Variants in WDPCP observed in about 807,000 individuals in gnomAD.
WDPCP encodes the protein WD repeat-containing and planar cell polarity effector protein fritz homolog.
In WDPCP, 71 loss-of-function variants were observed where a neutral mutation model predicts 93.1. The ratio of observed to expected loss-of-function variants is 0.76; its 90% CI spans 0.63 to 0.93. The LOEUF is 0.93. Among genes scored for constraint, WDPCP ranks in the 40% least tolerant of loss-of-function variants. The probability of loss-of-function intolerance (pLI) is 0.00; values close to 1 mark genes in which losing one functional copy is unlikely to be tolerated. For missense variants in WDPCP, 844 were observed against 887.4 expected, an observed-to-expected ratio of 0.95 and a Z score of 0.62; for synonymous variants, 315 against 315.0, an observed-to-expected ratio of 1.00 and a Z score of 0.00.
In WDPCP at chr2:63,623,340, A is replaced by G. The variant is rs182666525; in HGVS notation, n.488+27319T>C. On this transcript the variant is annotated intron_variant and non_coding_transcript_variant, in intron 3 of 4. Transcript: ENST00000467687. ...TCAAATTCACACAAAACAATATTAA[A>G]CTCAAATGTAAATGGGCTAAATGCC... Among the ~76,000 whole-genome samples, 129 of 152,256 alleles carry G rather than the reference A, an allele frequency of 8.5e-4. 1 individual carries two copies. Among genetic ancestry groups the G allele is most frequent in the African/African-American group, 2.9e-3 (122 of 41,548 alleles).
chr2:63,715,628 A>C (rs1009335396), intron 2 of WDPCP, among the ~76,000 whole-genome samples: 2 of 152,400 alleles, frequency 1.3e-5, no homozygotes, highest in South Asian at 2.1e-4. Flanking sequence ...TTCACAAAAA[A>C]TGTACTTTCA....
In WDPCP at chr2:63,805,901, C is replaced by T. The variant is rs1432685656; in HGVS notation, n.308+7721G>A. Among the ~76,000 whole-genome samples the T allele has an allele frequency of 3.3e-5, 5 of 152,152 alleles. 1 individual carries two copies. Among genetic ancestry groups the T allele is most frequent in the Non-Finnish European group, 7.4e-5 (5 of 68,020 alleles). On this transcript the variant is annotated intron_variant and non_coding_transcript_variant, in intron 2 of 4. Coordinates refer to the WDPCP transcript ENST00000467687. ...TTGAAAGGCTGAGGCAAGCAAATTG[C>T]TTGTGTCCAGGCATTTGAGACCAGC... is the stretch of plus-strand genomic sequence containing the variant.
At chr2:63,586,704 C>T (rs1708865271) in intron 1 of WDPCP, among the ~76,000 whole-genome samples, 1 of 152,220 alleles carries the variant, frequency 6.6e-6, no homozygotes, top group Non-Finnish European at 1.5e-5. Flanking sequence ...TGAACTACCA[C>T]ACAGGTGACT....
At chr2:63,807,343 A>G (rs1444733027) in intron 2 of WDPCP, among the ~76,000 whole-genome samples, 1 of 152,204 alleles carries the variant, frequency 6.6e-6, no homozygotes, top group Non-Finnish European at 1.5e-5. Flanking sequence ...CTGAATTCAC[A>G]AGAGATCTGG....
chr2:63,322,218 CT>C (rs1269523027), intron 12 of WDPCP, among the ~76,000 whole-genome samples: 4 of 152,212 alleles, frequency 2.6e-5, no homozygotes, highest in Non-Finnish European at 5.9e-5. Flanking sequence ...AGTCATCACT[CT>C]GTCAAAATGG....
chr2:63,731,812 G>T (rs1390925666), intron 2 of WDPCP, among the ~76,000 whole-genome samples: 1 of 152,110 alleles, frequency 6.6e-6, no homozygotes, highest in Non-Finnish European at 1.5e-5. Context: ...GTCATCAATG[G>T]TACAAGGTAA....
rs59189491 is a variant in WDPCP, at chr2:63,751,591, C to G, written n.308+62031G>C. ...TTTTTATAGCAGCTAGGCCCTGCCA[C>G]CACTGTGCTTGGTTGAGTTCACAAA... On this transcript the variant is annotated intron_variant and non_coding_transcript_variant, in intron 2 of 4. Coordinates refer to the WDPCP transcript ENST00000467687. 1.6e-3 allele frequency: 751 copies of G among 457,082 alleles called. 4 individuals carry two copies. Among genetic ancestry groups the G allele is most frequent in the African/African-American group, 0.014 (683 of 49,870 alleles). The allele number at this position is 457,082 out of a possible 1,614,324, so 28.3% of individuals were successfully genotyped here.
intron 12 of WDPCP, among the ~76,000 whole-genome samples, chr2:63,319,047 C>A (rs867403250): frequency 6.6e-6 from 1 of 152,110 alleles, no homozygotes; most frequent in Non-Finnish European, 1.5e-5. Context: ...TCATTGGCAA[C>A]AATGGGAGGT....
At chr2:63,290,772 G>A (rs58983065) in intron 13 of WDPCP, among the ~76,000 whole-genome samples, 2,469 of 152,194 alleles carry the variant, frequency 0.016, 62 homozygotes, top group African/African-American at 0.056. Context: ...TTTGAAGTCA[G>A]TCATAATTCG....
At chr2:63,160,090 T>C (rs566349449) in intron 15 of WDPCP, among the ~76,000 whole-genome samples, 133 of 152,242 alleles carry the variant, frequency 8.7e-4, no homozygotes, top group African/African-American at 2.7e-3. Flanking sequence ...TCTTCGTCCT[T>C]ATTTCTTCTG....
chr2:63,661,927 G>C (rs1007281835), intron 2 of WDPCP, among the ~76,000 whole-genome samples: 1 of 152,160 alleles, frequency 6.6e-6, no homozygotes, highest in Non-Finnish European at 1.5e-5. Flanking sequence ...GAAGGCGAAG[G>C]TATATATGTT....
intron 1 of WDPCP, among the ~76,000 whole-genome samples, chr2:63,584,907 T>A (rs1300782806): frequency 6.6e-6 from 1 of 152,148 alleles, no homozygotes; most frequent in Non-Finnish European, 1.5e-5. Flanking sequence ...TCAAACAGAA[T>A]CCTGATGAAT....
exon 3 of WDPCP, chr2:63,650,698 G>A (rs926868966): frequency 6.6e-6 from 1 of 152,134 alleles, no homozygotes; most frequent in Non-Finnish European, 1.5e-5. Context: ...GTTTCCTGGA[G>A]GTCCTTCTTG....
intron 14 of WDPCP, among the ~76,000 whole-genome samples, chr2:63,236,300 C>T (rs142627978): frequency 2.0e-4 from 31 of 152,140 alleles, no homozygotes; most frequent in African/African-American, 7.5e-4. Context: ...CCACAAGAAC[C>T]ACAAAACACT....
At chr2:63,317,581 A>G (rs891083477) in intron 12 of WDPCP, among the ~76,000 whole-genome samples, 1 of 152,138 alleles carries the variant, frequency 6.6e-6, no homozygotes, top group Admixed American at 6.6e-5. Context: ...CCAATAAAAC[A>G]GATTAGAGAA....
chr2:63,700,964 G>T (rs1245860573), intron 2 of WDPCP, among the ~76,000 whole-genome samples: 3 of 152,160 alleles, frequency 2.0e-5, no homozygotes, highest in African/African-American at 4.8e-5. Flanking sequence ...TCTTGGCAAA[G>T]AATTTTTGGT....
intron 1 of WDPCP, among the ~76,000 whole-genome samples, chr2:63,534,684 T>G (rs1357537724): frequency 2.0e-5 from 3 of 152,176 alleles, no homozygotes; most frequent in Non-Finnish European, 2.9e-5. Context: ...AAACTCTGAA[T>G]AAACTAGGTA....
rs1369225801 is a variant in WDPCP, at chr2:63,279,574, A to C, written c.1813-20165T>G. On this transcript the variant is annotated intron_variant, in intron 13 of 17. Coordinates refer to ENST00000272321, the MANE Select transcript of WDPCP (RefSeq NM_015910.7). ...AAAGACAAGGATGCTCACTTTTACC[A>C]CTTCTATTCAACATATTACTGGAAG... is the stretch of plus-strand genomic sequence containing the variant. Among the ~76,000 whole-genome samples, 4 of 152,228 alleles carry C rather than the reference A, an allele frequency of 2.6e-5. No individual in the cohort carries two copies. In the East Asian group the frequency reaches 7.7e-4, roughly 29 times the overall value.
chr2:63,240,176 C>T (rs1021450565), intron 14 of WDPCP, among the ~76,000 whole-genome samples: 2 of 151,962 alleles, frequency 1.3e-5, no homozygotes, highest in Admixed American at 1.3e-4. Context: ...TCCCATCACT[C>T]TTAGTATTTT....
Sources: gnomAD v4.1 joint callset for allele counts (sites outside exome capture counted in the v4.1 genomes callset) on GRCh38, gnomAD v4.1.1 for gene constraint, MANE v1.5 for transcripts, NCBI Gene and HGNC (gene_info 2026-07-23, HGNC 2026-07-21) for gene names.